COP1: variants seen among roughly 807,000 people sequenced by gnomAD.
COP1 encodes COP1 E3 ubiquitin ligase.
COP1 carries 24 observed loss-of-function variants against 101.3 expected under a neutral mutation model. That is an observed-to-expected ratio of 0.24 (90% CI 0.17 to 0.33). The LOEUF (loss-of-function observed/expected upper bound fraction) is 0.33, where lower values mean the gene tolerates loss of function less well. Ranked by LOEUF, COP1 falls within the 10% of genes least tolerant of loss-of-function variation. The pLI is 1.00. For missense variants in COP1, 663 were observed against 906.2 expected (o/e 0.73, Z 3.45); for synonymous variants, 347 against 341.9 (o/e 1.01, Z -0.17).
intron 11 of COP1, among the ~76,000 whole-genome samples, chr1:176,073,788 T>TA (rs1411634850): frequency 6.6e-6 from 1 of 152,162 alleles, no homozygotes; most frequent in Non-Finnish European, 1.5e-5. Flanking sequence ...GGAAGAAAAA[T>TA]ACGTTTCTGG....
chr1:176,083,299 G>C (rs1679530485), intron 10 of COP1, among the ~76,000 whole-genome samples: 2 of 152,080 alleles, frequency 1.3e-5, no homozygotes, highest in Non-Finnish European at 2.9e-5. Flanking sequence ...AAACTCACAA[G>C]CATTCAATAT....
intron 15 of COP1, among the ~76,000 whole-genome samples, chr1:176,016,353 A>C (rs1665641614): frequency 6.6e-6 from 1 of 152,224 alleles, no homozygotes; most frequent in Non-Finnish European, 1.5e-5. Flanking sequence ...GTTGTTTTAG[A>C]ATCCAAGCGA....
At chr1:176,004,176 G>A (rs546974547) in intron 15 of COP1, among the ~76,000 whole-genome samples, 5 of 151,370 alleles carry the variant, frequency 3.3e-5, no homozygotes, top group South Asian at 2.1e-4. Flanking sequence ...GTGTAAGAAT[G>A]CTTGTGATTT....
At chr1:176,083,162 T>C (rs560708835) in intron 10 of COP1, among the ~76,000 whole-genome samples, 3 of 152,348 alleles carry the variant, frequency 2.0e-5, no homozygotes, top group African/African-American at 7.2e-5. Flanking sequence ...TCTTTTTATA[T>C]GGAATCCTAT....
chr1:176,186,110 G>A (rs1698411685), intron 1 of COP1, among the ~76,000 whole-genome samples: 1 of 152,000 alleles, frequency 6.6e-6, no homozygotes, highest in African/African-American at 2.4e-5. Context: ...CTGAGATTTG[G>A]GGGTCAGAGC....
chr1:176,122,919 G>A (rs1044144774), intron 8 of COP1, among the ~76,000 whole-genome samples: 9 of 152,046 alleles, frequency 5.9e-5, no homozygotes, highest in South Asian at 2.1e-4. Context: ...AAACTACTTC[G>A]GTTGGTAGAA....
rs1029033391 is a variant in COP1 at position 175,959,782 on chromosome 1, G to GA, written c.2134-12544dup. On this transcript the variant is annotated intron_variant, in intron 18 of 19. Coordinates refer to ENST00000367669, the MANE Select transcript of COP1 (RefSeq NM_022457.7). ...AAACTGAGTGTCTCTCATCTCCCTA[G>GA]AGAGTCAACTACTATTATCAGGTGT... Among the ~76,000 whole-genome samples the GA allele has an allele frequency of 6.7e-4, 102 of 152,218 alleles. 3 individuals are homozygous for GA. The highest frequency in any genetic ancestry group is 2.4e-3 in the African/African-American group (101 of 41,560).
intron 6 of COP1, among the ~76,000 whole-genome samples, chr1:176,138,013 T>C (rs753500450): frequency 1.6e-4 from 25 of 152,212 alleles, no homozygotes; most frequent in South Asian, 4.1e-4. Flanking sequence ...TAAGGGAATA[T>C]AGACCACATC....
chr1:176,039,550 C>T (rs1381433142), intron 14 of COP1, among the ~76,000 whole-genome samples: 2 of 149,646 alleles, frequency 1.3e-5, no homozygotes, highest in East Asian at 2.0e-4. Context: ...TCAATTCAAT[C>T]CTTACCAAAA....
chr1:176,140,849 T>G (rs1362339585), intron 6 of COP1, among the ~76,000 whole-genome samples: 1 of 152,140 alleles, frequency 6.6e-6, no homozygotes, highest in Non-Finnish European at 1.5e-5. Flanking sequence ...GATGGAGAAC[T>G]AAGACAATGC....
chr1:175,994,543 G>C (rs1436140185), intron 15 of COP1, among the ~76,000 whole-genome samples: 1 of 152,158 alleles, frequency 6.6e-6, no homozygotes, highest in East Asian at 1.9e-4. Flanking sequence ...TAAAAGGATG[G>C]AGGAAGATCT....
intron 15 of COP1, among the ~76,000 whole-genome samples, chr1:175,990,656 A>C (rs900105329): frequency 6.6e-6 from 1 of 152,132 alleles, no homozygotes; most frequent in Non-Finnish European, 1.5e-5. Flanking sequence ...ATCTACAAAA[A>C]GTTTGTTTTG....
rs576693745 is a variant in COP1, at chr1:176,096,427, G to A, written c.1027-10537C>T. Reference sequence around the variant, plus strand: ...CTGGTTTGGGTGCATGGCCATGTCTGCCACATGAGTGCAGTGTCCAACGAC... The same window carrying A: ...CTGGTTTGGGTGCATGGCCATGTCTACCACATGAGTGCAGTGTCCAACGAC... On this transcript the variant is annotated intron_variant, in intron 9 of 19. Transcript: ENST00000367669. 3.3e-5 allele frequency among the ~76,000 whole-genome samples: 5 copies of A among 152,306 alleles called. No homozygotes were observed. In the East Asian group the frequency reaches 9.7e-4, roughly 29 times the overall value.
At chr1:176,008,299 A>G (rs1430933982) in intron 15 of COP1, among the ~76,000 whole-genome samples, 1 of 151,902 alleles carries the variant, frequency 6.6e-6, no homozygotes, top group African/African-American at 2.4e-5. Context: ...GAAATCACCC[A>G]TCTTCTGCGT....
chr1:176,177,961 G>A (rs1351228574), intron 2 of COP1, among the ~76,000 whole-genome samples: 5 of 152,072 alleles, frequency 3.3e-5, no homozygotes, highest in Non-Finnish European at 5.9e-5. Context: ...TAAATGCCAG[G>A]CACATAACGG....
intron 18 of COP1, among the ~76,000 whole-genome samples, chr1:175,973,854 T>C (rs1057180093): frequency 6.6e-6 from 1 of 152,116 alleles, no homozygotes; most frequent in South Asian, 2.1e-4. Flanking sequence ...GAAAGGGTAT[T>C]TGGGAACAGT....
intron 9 of COP1, among the ~76,000 whole-genome samples, chr1:176,087,039 G>A (rs1572149773): frequency 6.6e-6 from 1 of 152,256 alleles, no homozygotes; most frequent in East Asian, 1.9e-4. Context: ...ATGGTTCTGG[G>A]AAAACTGGCT....
intron 15 of COP1, among the ~76,000 whole-genome samples, chr1:176,026,203 C>A (rs1667632564): frequency 6.6e-6 from 1 of 151,972 alleles, no homozygotes; most frequent in African/African-American, 2.4e-5. Flanking sequence ...TGATAATATT[C>A]ATATCTGGCA....
intron 8 of COP1, among the ~76,000 whole-genome samples, chr1:176,118,591 C>T (rs1033237802): frequency 1.3e-5 from 2 of 152,004 alleles, no homozygotes; most frequent in South Asian, 2.1e-4. Flanking sequence ...AGTAAGACTC[C>T]GTTTTCTACA....
Sources: allele counts gnomAD v4.1 joint callset (sites outside exome capture counted in the v4.1 genomes callset), GRCh38; gene constraint gnomAD v4.1.1; transcripts MANE v1.5; gene names NCBI Gene and HGNC (gene_info 2026-07-23, HGNC 2026-07-21).